PYGM: variants seen among roughly 807,000 people sequenced by gnomAD.
The protein encoded by PYGM is glycogen phosphorylase, muscle form.
Under a neutral mutation model 99.3 loss-of-function variants are expected in PYGM, and 81 were observed. That is an observed-to-expected ratio of 0.82 (90% CI 0.68 to 0.98). PYGM has a LOEUF of 0.98. Ranked by LOEUF, PYGM falls within the 50% of genes least tolerant of loss-of-function variation. PYGM has a pLI of 0.00. For synonymous variants in PYGM, 436 were observed against 451.5 expected (o/e 0.97, Z 0.44); for missense variants, 1,030 against 1,158.1 (o/e 0.89, Z 1.61).
chr11:64,752,722 C>A (rs920965348), intron 12 of PYGM, among the ~76,000 whole-genome samples: 1 of 152,218 alleles, frequency 6.6e-6, no homozygotes, highest in African/African-American at 2.4e-5. Context: ...CCCCACCTGA[C>A]CCCAGCAGGC....
Position 64,755,451 on chromosome 11 carries a change from C to T in PYGM, c.768G>A (p.Lys256=), listed in dbSNP as rs1357815816. The change falls in exon 6 of 20, where the codon AAG becomes AAA. Residue 256 remains lysine, a synonymous_variant. Coordinates refer to ENST00000164139, the MANE Select transcript of PYGM (RefSeq NM_005609.4). This position sits in a 1 kb window ranked among gnomAD's most constrained non-coding sequence, Gnocchi z 4.1. ...SAKAPNDFNL[K]DFNVGGYIQA... ...GCTACCAGTGGATGAACTCACAGTC[C>T]TTGAGGTTGAAGTCATTGGGAGCCT... 6 of 1,613,934 alleles carry T rather than the reference C, an allele frequency of 3.7e-6. No individual in the cohort carries two copies. Among genetic ancestry groups the T allele is most frequent in the South Asian group, 1.1e-5 (1 of 91,092 alleles).
intron 4 of PYGM, 149 bp downstream of exon 4, chr11:64,758,097 C>T: frequency 7.5e-7 from 1 of 1,329,766 alleles, no homozygotes; most frequent in Non-Finnish European, 1.1e-6. Flanking sequence ...TCAGGGGCAC[C>T]AGCTGGCTTT....
chr11:64,757,340 G>A (rs1406329558), intron 5 of PYGM, among the ~76,000 whole-genome samples: 1 of 152,178 alleles, frequency 6.6e-6, no homozygotes, highest in African/African-American at 2.4e-5. Context: ...TTACGGGCAT[G>A]AGCCACTGTG....
rs866788137 is a variant in PYGM, at chr11:64,750,687, G to A, written c.1970-104C>T. On this transcript the variant is annotated intron_variant, in intron 16 of 19. Coordinates refer to ENST00000164139, the MANE Select transcript of PYGM (RefSeq NM_005609.4). ...CCCAGGCATAGCTGGACTCAGAGTC[G>A]CCCCACCCCAAACTCCCAGTCTTCA... The A allele has an allele frequency of 1.3e-4, 145 of 1,094,836 alleles. 8 individuals are homozygous for A. In the South Asian group the frequency reaches 1.8e-3, roughly 14 times the overall value. 67.8% of individuals were successfully genotyped at this position (1,094,836 alleles called of 1,614,324 possible).
rs1229595545 is a variant in PYGM at position 64,752,478 on chromosome 11, G to A, written c.1545C>T (p.Asp515=). Residue 515 remains aspartate (D), a synonymous_variant, in exon 13 of 20, where the codon GAC becomes GAT. Coordinates refer to ENST00000164139, the MANE Select transcript of PYGM (RefSeq NM_005609.4). The part of the protein sequence containing the change: ...AERIGEDFIS[D]LDQLRKLLSF... Reference sequence around the variant, plus strand: ...AGAGCAGTTTGCGCAGCTGGTCCAGGTCAGAGATGAAGTCCTCCCCGATGC... The same window carrying A: ...AGAGCAGTTTGCGCAGCTGGTCCAGATCAGAGATGAAGTCCTCCCCGATGC... The A allele has an allele frequency of 4.3e-6, 7 of 1,614,084 alleles. No individual in the cohort carries two copies. In the African/African-American group the frequency reaches 8.0e-5, roughly 18 times the overall value.
Position 64,753,893 on chromosome 11 carries a change from G to C in PYGM, c.1225C>G (p.Gln409Glu), listed in dbSNP as rs1482915500. 2 of 1,580,792 alleles carry C rather than the reference G, an allele frequency of 1.3e-6. No homozygotes were observed. Among genetic ancestry groups the C allele is most frequent in the Non-Finnish European group, 1.7e-6 (2 of 1,163,018 alleles). Residue 409 changes from glutamine to glutamate, a missense_variant, in exon 10 of 20, where the codon CAG (glutamine) becomes GAG (glutamate). By Grantham distance (29) the Gln-to-Glu change is conservative. Transcript: ENST00000164139. ...RHLQIIYEIN[Q>E]RFLNRVAAAF... is the part of the protein sequence containing the mutation. The stretch of plus-strand genomic sequence containing the variant: ...TCCGGACTCACGTTGAGGAAGCGCT[G>C]GTTGATCTCGTAGATGATCTGGAGG...
chr11:64,758,698 A>T lies in PYGM; in HGVS notation c.250T>A (p.Tyr84Asn). Residue 84 changes from tyrosine (Y) to asparagine (N), a missense_variant, in exon 2 of 20, where the codon TAC becomes AAC. Coordinates refer to ENST00000164139, the MANE Select transcript of PYGM (RefSeq NM_005609.4). ...HYYEKDPKRI[Y>N]YLSLEFYMGR... Reference sequence around the variant, plus strand: ...ATATAGAACTCTAAAGACAGGTAGTAGATCCTCTGCCCAGAGAGACGGATG... The same window carrying T: ...ATATAGAACTCTAAAGACAGGTAGTTGATCCTCTGCCCAGAGAGACGGATG... 1 of 1,604,184 alleles carries T rather than the reference A, an allele frequency of 6.2e-7. No homozygotes were observed. The highest frequency in any genetic ancestry group is 8.5e-7 in the Non-Finnish European group (1 of 1,171,070).
At position 64,754,063 on chromosome 11, in the gene PYGM, G is replaced by C. The variant is rs2058377832; in HGVS notation, c.1093-38C>G. 6.3e-7 allele frequency: 1 copy of C among 1,596,258 alleles called. No individual in the cohort carries two copies. Among genetic ancestry groups the C allele is most frequent in the Non-Finnish European group, 8.5e-7 (1 of 1,171,492 alleles). On this transcript the variant is annotated intron_variant, in intron 9 of 19. Transcript: ENST00000164139. This position sits in a 1 kb window ranked among gnomAD's most constrained non-coding sequence, Gnocchi z 5.5. ...GTGGGCAGTCAGGATGCTGACCTCA[G>C]CCCAGTGGGTCTCCTCACACACTAC...
At chr11:64,752,134 A>G (rs2058361305) in intron 13 of PYGM, 63 bp from the exon 14 acceptor site, 6 of 1,609,664 alleles carry the variant, frequency 3.7e-6, no homozygotes, top group Non-Finnish European at 5.1e-6. Context: ...CCTACAGTCC[A>G]CACTCCAGTC....
At chr11:64,758,169 C>A in intron 4 of PYGM, 77 bp downstream of exon 4, 1 of 1,517,082 alleles carries the variant, frequency 6.6e-7, no homozygotes, top group Non-Finnish European at 9.1e-7. Context: ...TGTTTCGGAC[C>A]TTGCCAGAGA....
chr11:64,757,740 C>T (rs1251424970), intron 5 of PYGM, 39 bp downstream of exon 5: 1 of 1,613,780 alleles, frequency 6.2e-7, no homozygotes. Context: ...TCTTCCCTCC[C>T]CTTCTCTGGG....
At chr11:64,760,635 T>C (rs1160457837), upstream of PYGM, among the ~76,000 whole-genome samples, 2 of 152,258 alleles carry the variant, frequency 1.3e-5, no homozygotes, top group Non-Finnish European at 2.9e-5. Context: ...CCCTGGGAAC[T>C]GTAGTCCTAT....
At chr11:64,750,277 G>T in intron 17 of PYGM, 99 bp downstream of exon 17, 1 of 1,339,080 alleles carries the variant, frequency 7.5e-7, no homozygotes, top group Non-Finnish European at 1.1e-6. Context: ...GACCTTGCTG[G>T]GCCTGGACCA....
At chr11:64,753,324 G>A in intron 11 of PYGM, 137 bp from the exon 12 acceptor site, 1 of 1,176,274 alleles carries the variant, frequency 8.5e-7, no homozygotes, top group Non-Finnish European at 1.3e-6. Context: ...TGGGGGTGCT[G>A]TGTGTAAGAG....
In PYGM at chr11:64,754,107, C is replaced by A. The variant is rs573861421; in HGVS notation, c.1093-82G>T. On this transcript the variant is annotated intron_variant, in intron 9 of 19. Coordinates refer to ENST00000164139, the MANE Select transcript of PYGM (RefSeq NM_005609.4). The surrounding 1 kb of genome is among the most constrained non-coding windows in gnomAD (Gnocchi z 5.5). ...ACACTACGCATCCCAGTGGGCCCCC[C>A]CACTGCAGTGCCAGGTTCCAGGACG... 2 of 1,603,790 alleles carry A rather than the reference C, an allele frequency of 1.2e-6. No homozygotes were observed. Among genetic ancestry groups the A allele is most frequent in the Non-Finnish European group, 1.7e-6 (2 of 1,173,148 alleles).
At position 64,751,324 on chromosome 11, in the gene PYGM, C is replaced by G. The variant is rs753181427; in HGVS notation, c.1969+1G>C. 6.2e-7 allele frequency: 1 copy of G among 1,614,192 alleles called. No homozygotes were observed. Among genetic ancestry groups the G allele is most frequent in the East Asian group, 2.2e-5 (1 of 44,894 alleles). ...CTAGGGTCCCTGTTGGCAGCACCCA[C>G]CTTTCTCGGCCAGTGAGACTCGGTA... On this transcript the variant is annotated splice_donor_variant, in intron 16 of 19. Transcript: ENST00000164139. LOFTEE classifies it high-confidence loss of function.
In PYGM at chr11:64,755,002, G is replaced by A. The variant is rs1241678650; in HGVS notation, c.856-166C>T. On this transcript the variant is annotated intron_variant, in intron 7 of 19. Transcript: ENST00000164139. This position sits in a 1 kb window ranked among gnomAD's most constrained non-coding sequence, Gnocchi z 4.1. ...TTCCTCCACCAAGAACTAGTGGCGA[G>A]AGACAGTGTCAGGAAGAGGGGTACA... 6.6e-6 allele frequency among the ~76,000 whole-genome samples: 1 copy of A among 152,118 alleles called. No homozygotes were observed. The highest frequency in any genetic ancestry group is 1.9e-4 in the East Asian group (1 of 5,188).
At position 64,751,587 on chromosome 11, in the gene PYGM, G is replaced by A. The variant is rs1255226594; in HGVS notation, c.1827+10C>T. On this transcript the variant is annotated intron_variant, in intron 15 of 19. Transcript: ENST00000164139. ...GGACGGGAGCCCAGGGCTGGAGCCT[G>A]GCTTCTCACCTTCCCTCCAATCATC... 1 of 1,614,034 alleles carries A rather than the reference G, an allele frequency of 6.2e-7. No homozygotes were observed. Among genetic ancestry groups the A allele is most frequent in the Non-Finnish European group, 8.5e-7 (1 of 1,179,952 alleles).
chr11:64,750,417 A>G lies in PYGM; in HGVS notation c.2136T>C (p.Phe712=), dbSNP rs2058346910. 1 of 1,613,926 alleles carries G rather than the reference A, an allele frequency of 6.2e-7. No individual in the cohort carries two copies. The highest frequency in any genetic ancestry group is 1.3e-5 in the African/African-American group (1 of 74,874). The change falls in exon 17 of 20, where the codon TTT becomes TTC. Residue 712 remains phenylalanine, a synonymous_variant. Coordinates refer to ENST00000164139, the MANE Select transcript of PYGM (RefSeq NM_005609.4). ...EEAGEENFFI[F]GMRVEDVDKL... ...TATCCACATCCTCCACCCGCATGCCAAAGATGAAGAAGTTTTCCTCTCCCG... is the reference window on the plus strand; with the variant it reads ...TATCCACATCCTCCACCCGCATGCCGAAGATGAAGAAGTTTTCCTCTCCCG...
Sources: gnomAD v4.1 joint callset for allele counts (sites outside exome capture counted in the v4.1 genomes callset) on GRCh38, gnomAD v4.1.1 for gene constraint, Gnocchi (gnomAD v3.1) non-coding constraint, MANE v1.5 for transcripts, NCBI Gene and HGNC (gene_info 2026-07-23, HGNC 2026-07-21) for gene names.